Variants in C1QTNF7 observed in about 807,000 individuals in gnomAD.
The protein encoded by C1QTNF7 is C1q and TNF related 7, also known as complement C1q tumor necrosis factor-related protein 7.
C1QTNF7 carries 15 observed loss-of-function variants against 19.6 expected under a neutral mutation model. The ratio of observed to expected loss-of-function variants is 0.76; its 90% CI spans 0.51 to 1.18. The LOEUF (loss-of-function observed/expected upper bound fraction) is 1.18, where lower values mean the gene tolerates loss of function less well. Among genes scored for constraint, C1QTNF7 ranks in the 50% most tolerant of loss-of-function variants. The pLI, the probability that C1QTNF7 is intolerant of heterozygous loss-of-function variation, is 0.00. For missense variants in C1QTNF7, 324 were observed against 359.7 expected (o/e 0.90, Z 0.80); for synonymous variants, 142 against 137.5 (o/e 1.03, Z -0.23).
At chr4:15,416,313 T>C (rs981078133) in intron 1 of C1QTNF7, among the ~76,000 whole-genome samples, 3 of 152,242 alleles carry the variant, frequency 2.0e-5, no homozygotes, top group Non-Finnish European at 2.9e-5. Context: ...GGCTCTGTTT[T>C]AGAACTAGAG....
chr4:15,401,262 G>A (rs971263456), intron 1 of C1QTNF7, among the ~76,000 whole-genome samples: 7 of 152,130 alleles, frequency 4.6e-5, no homozygotes, highest in South Asian at 2.1e-4. Context: ...AATGAGGAGC[G>A]TGTGGGGAGG....
chr4:15,374,091 T>C (rs1717834537), intron 1 of C1QTNF7: 1 of 152,170 alleles, frequency 6.6e-6, no homozygotes, highest in South Asian at 2.1e-4. Flanking sequence ...GAGAGTCAGA[T>C]CTCCAGCCCT....
chr4:15,428,299 C>A (rs1228708600), intron 1 of C1QTNF7, among the ~76,000 whole-genome samples, 193 bp downstream of exon 1: 3 of 152,126 alleles, frequency 2.0e-5, no homozygotes, highest in Non-Finnish European at 4.4e-5. Context: ...TTCTCAGGAC[C>A]TTGGTTCCCC....
chr4:15,409,319 A>G (rs184502089), intron 1 of C1QTNF7, among the ~76,000 whole-genome samples: 13 of 152,210 alleles, frequency 8.5e-5, no homozygotes, highest in African/African-American at 2.9e-4. Flanking sequence ...CCTTCATCCA[A>G]ATTATCTGGG....
At chr4:15,382,044 G>A (rs1391132866) in intron 1 of C1QTNF7, among the ~76,000 whole-genome samples, 2 of 152,272 alleles carry the variant, frequency 1.3e-5, no homozygotes, top group East Asian at 1.9e-4. Flanking sequence ...AGAGCCATTT[G>A]GTGACATTTT....
intron 2 of C1QTNF7, among the ~76,000 whole-genome samples, chr4:15,439,308 C>T (rs2192358): frequency 6.6e-5 from 10 of 152,058 alleles, no homozygotes; most frequent in African/African-American, 1.9e-4. Context: ...ACTTTCAGGC[C>T]GTGAAGGCCT....
At chr4:15,376,529 G>T (rs998997350) in intron 1 of C1QTNF7, among the ~76,000 whole-genome samples, 1 of 152,166 alleles carries the variant, frequency 6.6e-6, no homozygotes, top group African/African-American at 2.4e-5. Flanking sequence ...GCTCATAACA[G>T]CAGGGTTCAT....
chr4:15,347,212 T>C (rs1716749663), intron 1 of C1QTNF7, among the ~76,000 whole-genome samples: 2 of 152,174 alleles, frequency 1.3e-5, no homozygotes. Context: ...TTAGAATTTA[T>C]CCAAGCTATC....
At chr4:15,344,377 A>G (rs1265694416) in intron 1 of C1QTNF7, among the ~76,000 whole-genome samples, 1 of 152,248 alleles carries the variant, frequency 6.6e-6, no homozygotes, top group African/African-American at 2.4e-5. Flanking sequence ...AGATATGTCC[A>G]GGCAAGAGAC....
chr4:15,411,796 C>T (rs772962832), intron 1 of C1QTNF7, among the ~76,000 whole-genome samples: 34 of 152,122 alleles, frequency 2.2e-4, no homozygotes, highest in Non-Finnish European at 4.3e-4. Context: ...AGGTGGGCTT[C>T]CAGGGCTACA....
intron 2 of C1QTNF7, among the ~76,000 whole-genome samples, chr4:15,440,597 G>A (rs1712717681): frequency 6.6e-6 from 1 of 151,800 alleles, no homozygotes; most frequent in East Asian, 1.9e-4. Context: ...TAGTAGAGAC[G>A]GGGCTTCACC....
intron 1 of C1QTNF7, among the ~76,000 whole-genome samples, chr4:15,380,714 C>T (rs1718107896): frequency 6.6e-6 from 1 of 152,134 alleles, no homozygotes; most frequent in Non-Finnish European, 1.5e-5. Flanking sequence ...ACAAGTGGAT[C>T]ACTTGAGGCC....
chr4:15,339,979 C>T (rs1042871726), exon 1 of C1QTNF7: 2 of 635,494 alleles, frequency 3.1e-6, no homozygotes, highest in South Asian at 3.9e-5. Flanking sequence ...AAGACAGTTG[C>T]AAAACTTCGT....
At chr4:15,369,850 A>C (rs1717657557) in intron 1 of C1QTNF7, among the ~76,000 whole-genome samples, 1 of 152,346 alleles carries the variant, frequency 6.6e-6, no homozygotes, top group African/African-American at 2.4e-5. Flanking sequence ...CAAATGTGAG[A>C]TAACACCAAG....
At chr4:15,390,208 G>A (rs1718503638) in intron 1 of C1QTNF7, among the ~76,000 whole-genome samples, 1 of 152,198 alleles carries the variant, frequency 6.6e-6, no homozygotes, top group Non-Finnish European at 1.5e-5. Flanking sequence ...TCCAGGAAGG[G>A]TAGGCTGGAA....
At chr4:15,434,684 C>T (rs748064626) in intron 1 of C1QTNF7, among the ~76,000 whole-genome samples, 1 of 152,170 alleles carries the variant, frequency 6.6e-6, no homozygotes, top group African/African-American at 2.4e-5. Flanking sequence ...TCACCTTCAG[C>T]CTATATGCCA....
chr4:15,426,255 C>G (rs1201969515), upstream of C1QTNF7, among the ~76,000 whole-genome samples: 2 of 152,186 alleles, frequency 1.3e-5, no homozygotes, highest in Non-Finnish European at 2.9e-5. Context: ...GACTTTTACT[C>G]TGAGCCAATA....
intron 2 of C1QTNF7, among the ~76,000 whole-genome samples, chr4:15,436,782 T>C (rs922598312): frequency 2.0e-5 from 3 of 152,198 alleles, no homozygotes; most frequent in African/African-American, 7.2e-5. Context: ...GGATTTGGAA[T>C]CAATCTTTCA....
At chr4:15,436,526 G>A (rs1197452818) in intron 2 of C1QTNF7, among the ~76,000 whole-genome samples, 2 of 152,222 alleles carry the variant, frequency 1.3e-5, no homozygotes, top group Admixed American at 6.5e-5. Context: ...TTTCACAGAT[G>A]AAGTGACAAT....
Sources: gnomAD v4.1 joint callset for allele counts (sites outside exome capture counted in the v4.1 genomes callset) on GRCh38, gnomAD v4.1.1 for gene constraint, MANE v1.5 for transcripts, NCBI Gene and HGNC (gene_info 2026-07-23, HGNC 2026-07-21) for gene names.